Variants in IL1RN observed in about 807,000 individuals in gnomAD.
The protein encoded by IL1RN is interleukin-1 receptor antagonist protein.
IL1RN carries 10 observed loss-of-function variants against 13.7 expected under a neutral mutation model. The observed-to-expected ratio is 0.73, with a 90% confidence interval of 0.45 to 1.24. The LOEUF (loss-of-function observed/expected upper bound fraction) is 1.24, where lower values mean the gene tolerates loss of function less well. Among genes scored for constraint, IL1RN ranks in the 50% most tolerant of loss-of-function variants. IL1RN has a pLI of 0.00. For synonymous variants in IL1RN, 102 were observed against 82.7 expected (o/e 1.23, Z -1.27); for missense variants, 213 against 222.1 (o/e 0.96, Z 0.26).
At chr2:113,119,981 C>G in intron 1 of IL1RN, 15 of 1,060,684 alleles carry the variant, frequency 1.4e-5, no homozygotes, top group Non-Finnish European at 2.2e-5. Context: ...TGTGCATACA[C>G]TTTGTGTTAC....
At chr2:113,104,602 G>A (rs1186257596), upstream of IL1RN, among the ~76,000 whole-genome samples, 1 of 152,142 alleles carries the variant, frequency 6.6e-6, no homozygotes, top group African/African-American at 2.4e-5. Context: ...GGGCGTTTTG[G>A]GATTTCAACA....
upstream of IL1RN, chr2:113,112,975 G>T (rs535401681): frequency 1.3e-5 from 2 of 152,060 alleles, no homozygotes; most frequent in African/African-American, 4.8e-5. Context: ...GCTGACTGAC[G>T]GCTCTACCAC....
At chr2:113,099,503 G>T in the IL1RN span, among the ~76,000 whole-genome samples, 3 of 152,158 alleles carry the variant, frequency 2.0e-5, no homozygotes, top group African/African-American at 7.2e-5. Flanking sequence ...GAAAACGAGC[G>T]AACTCACAGT....
chr2:113,117,170 G>A (rs942767854), upstream of IL1RN, among the ~76,000 whole-genome samples: 16 of 152,386 alleles, frequency 1.0e-4, no homozygotes, highest in Middle Eastern at 3.4e-3. Flanking sequence ...TCTAGAGAAA[G>A]CAGGGAGAGA....
chr2:113,116,648 A>G (rs894427966), upstream of IL1RN, among the ~76,000 whole-genome samples: 2 of 152,130 alleles, frequency 1.3e-5, no homozygotes, highest in Admixed American at 6.5e-5. Flanking sequence ...TGAGAAGTTT[A>G]TGAATTATGA....
rs1687251498 is a variant in IL1RN at position 113,133,611 on chromosome 2, G to A, written c.*740G>A. ...TGGACTCCTCTGTCCAGGCACTGCT[G>A]CCCAGCCTCCAAGCTCCATCTCCAC... On this transcript the variant is annotated 3_prime_UTR_variant, in exon 4 of 4. Transcript: ENST00000409930. The A allele has an allele frequency of 1.3e-5, 2 of 152,440 alleles. No individual in the cohort carries two copies. The highest frequency in any genetic ancestry group is 4.1e-4 in the South Asian group (2 of 4,822). The allele number at this position is 152,440 out of a possible 1,614,324, so 9.4% of individuals were successfully genotyped here.
At chr2:113,132,220 G>A (rs937322209) in intron 3 of IL1RN, among the ~76,000 whole-genome samples, 3 of 152,208 alleles carry the variant, frequency 2.0e-5, no homozygotes, top group Admixed American at 6.5e-5. Context: ...AAGCCAAGGT[G>A]GGCAGATCAC....
chr2:113,127,713 G>C lies in IL1RN; in HGVS notation c.89G>C (p.Arg30Thr), dbSNP rs1687013013. 1 of 1,613,954 alleles carries C rather than the reference G, an allele frequency of 6.2e-7. No individual in the cohort carries two copies. The highest frequency in any genetic ancestry group is 8.5e-7 in the Non-Finnish European group (1 of 1,180,014). The change falls in exon 1 of 4, where the codon AGA (arginine) becomes ACA (threonine). Residue 30 changes from arginine (R) to threonine (T), a missense_variant. Physicochemically the swap from Arg to Thr is moderately conservative, Grantham distance 71. Coordinates refer to ENST00000409930, the MANE Select transcript of IL1RN (RefSeq NM_173842.3). ...HSETICRPSG[R>T]KSSKMQAFRI... ...GAGACGATCTGCCGACCCTCTGGGA[G>C]AAAATCCAGCAAGATGCAAGCCTTC...
upstream of IL1RN, among the ~76,000 whole-genome samples, chr2:113,106,896 A>C (rs2104419487): frequency 9.8e-6 from 1 of 102,168 alleles, no homozygotes; most frequent in Non-Finnish European, 1.9e-5. Context: ...TATTTGAGAA[A>C]GAATTTTGAG....
At chr2:113,127,466 A>G, upstream of IL1RN, 1 of 1,422,578 alleles carries the variant, frequency 7.0e-7, no homozygotes. Context: ...TGAAAGTGAC[A>G]ACAGCAAGGG....
At chr2:113,100,019 C>G in the IL1RN span, among the ~76,000 whole-genome samples, 1 of 135,150 alleles carries the variant, frequency 7.4e-6, no homozygotes, top group Non-Finnish European at 1.6e-5. Context: ...CAGGCGTGAG[C>G]CACCGCGACT....
upstream of IL1RN, among the ~76,000 whole-genome samples, chr2:113,108,639 C>T (rs912948316): frequency 3.3e-5 from 5 of 152,152 alleles, no homozygotes; most frequent in African/African-American, 9.7e-5. Context: ...AACATAGTCA[C>T]AGGCCCAAGG....
At chr2:113,121,049 T>C (rs1375331999) in intron 2 of IL1RN, among the ~76,000 whole-genome samples, 1 of 124,368 alleles carries the variant, frequency 8.0e-6, no homozygotes, top group Non-Finnish European at 1.7e-5. Flanking sequence ...TTCTTCCTCT[T>C]CTTCTTCTTC....
chr2:113,099,596 T>A, the IL1RN span, among the ~76,000 whole-genome samples: 8 of 152,136 alleles, frequency 5.3e-5, no homozygotes, highest in African/African-American at 1.9e-4. Context: ...CCTGGTATGT[T>A]CCTGTGGAAG....
upstream of IL1RN, among the ~76,000 whole-genome samples, chr2:113,122,907 C>T (rs929409422): frequency 2.0e-5 from 3 of 152,166 alleles, no homozygotes; most frequent in Non-Finnish European, 4.4e-5. Flanking sequence ...GGGTGGATCA[C>T]CTGAGGTCGG....
chr2:113,127,355 C>A, upstream of IL1RN: 1 of 593,186 alleles, frequency 1.7e-6, no homozygotes. Flanking sequence ...TTCCCAGGAA[C>A]TCAATGAAGG....
rs758726151 is a variant in IL1RN at position 113,131,166 on chromosome 2, A to T, written c.318+9A>T. On this transcript the variant is annotated intron_variant, in intron 3 of 3. Transcript: ENST00000409930. ...CCAGACTCCAGCTGGAGGTAAAAAC[A>T]TGCTTTGGATCTCAAATCACCCCAA... 4.5e-6 allele frequency: 7 copies of T among 1,551,812 alleles called. No individual in the cohort carries two copies. The highest frequency in any genetic ancestry group is 6.2e-6 in the Non-Finnish European group (7 of 1,122,986).
At chr2:113,115,243 G>A (rs1400351617), upstream of IL1RN, among the ~76,000 whole-genome samples, 1 of 152,092 alleles carries the variant, frequency 6.6e-6, no homozygotes, top group Non-Finnish European at 1.5e-5. Flanking sequence ...TCCCCTGGCT[G>A]GAATGAAGGG....
upstream of IL1RN, among the ~76,000 whole-genome samples, chr2:113,127,091 C>T (rs1288134938): frequency 2.0e-5 from 3 of 152,174 alleles, no homozygotes; most frequent in African/African-American, 4.8e-5. Context: ...GCTGAGTAAT[C>T]GTGGCGCACA....
Sources: gnomAD v4.1 joint callset for allele counts (sites outside exome capture counted in the v4.1 genomes callset) on GRCh38, gnomAD v4.1.1 for gene constraint, MANE v1.5 for transcripts, NCBI Gene and HGNC (gene_info 2026-07-23, HGNC 2026-07-21) for gene names.